BIRC6: variants seen among roughly 807,000 people sequenced by gnomAD.
The protein encoded by BIRC6 is baculoviral IAP repeat containing 6.
BIRC6 carries 98 observed loss-of-function variants against 503.3 expected under a neutral mutation model. The observed-to-expected ratio is 0.19, with a 90% confidence interval of 0.17 to 0.23. The LOEUF (loss-of-function observed/expected upper bound fraction) is 0.23, where lower values mean the gene tolerates loss of function less well. Ranked by LOEUF, BIRC6 falls within the 10% of genes least tolerant of loss-of-function variation. The probability of loss-of-function intolerance (pLI) is 1.00; values close to 1 mark genes in which losing one functional copy is unlikely to be tolerated. For synonymous variants in BIRC6, 2,240 were observed against 2,078.7 expected, an observed-to-expected ratio of 1.08 and a Z score of -2.11; for missense variants, 5,360 against 5,806.0, an observed-to-expected ratio of 0.92 and a Z score of 2.50.
rs2061529986 is a variant in BIRC6 at position 32,593,908 on chromosome 2, A to C, written c.13356-7A>C. The C allele has an allele frequency of 6.2e-7, 1 of 1,604,898 alleles. No individual in the cohort carries two copies. Among genetic ancestry groups the C allele is most frequent in the Non-Finnish European group, 8.5e-7 (1 of 1,176,922 alleles). ...CTTGCTTTTCTTTCCATATTAAAAA[A>C]ATTCAGATCTAAAAGGGAAAATGTT... is the stretch of plus-strand genomic sequence containing the variant. On this transcript the variant is annotated splice_polypyrimidine_tract_variant and splice_region_variant and intron_variant, in intron 66 of 73. Coordinates refer to ENST00000421745, the MANE Select transcript of BIRC6 (RefSeq NM_016252.4).
rs752276269 is a variant in BIRC6, at chr2:32,433,688, C to G, written c.3293C>G (p.Ala1098Gly). Residue 1098 changes from alanine (A) to glycine (G), a missense_variant, in exon 13 of 74, where the codon GCT becomes GGT. Around this residue, in one of 16 missense-constraint regions of BIRC6, gnomAD observed 2,299 missense variants for 2,267.2 expected, o/e 1.01. Transcript: ENST00000421745. Reference protein sequence around the residue: ...EHVFELVLPKACMVGHVDFKF... With the variant: ...EHVFELVLPKGCMVGHVDFKF... ...GTATTTGAATTAGTACTACCTAAAG[C>G]TTGTATGGTTGGACATGTGGACTTC... The G allele has an allele frequency of 6.2e-7, 1 of 1,604,230 alleles. No homozygotes were observed. Among genetic ancestry groups the G allele is most frequent in the Non-Finnish European group, 8.5e-7 (1 of 1,172,936 alleles).
chr2:32,530,385 A>AT (rs1180536215), intron 60 of BIRC6, among the ~76,000 whole-genome samples: 1 of 151,720 alleles, frequency 6.6e-6, no homozygotes, highest in East Asian at 1.9e-4. Flanking sequence ...TAATTTTTGT[A>AT]TTTTTTGTAG....
chr2:32,478,859 C>G, intron 36 of BIRC6, 41 bp downstream of exon 36: 1 of 1,574,408 alleles, frequency 6.4e-7, no homozygotes, highest in Non-Finnish European at 8.7e-7. Flanking sequence ...TCAAAATTAC[C>G]TTGTCATTGC....
In BIRC6 at chr2:32,543,272, A is replaced by G. The variant is rs1305474600; in HGVS notation, c.12323A>G (p.Gln4108Arg). 15 of 1,613,912 alleles carry G rather than the reference A, an allele frequency of 9.3e-6. No homozygotes were observed. The South Asian group carries it at 1.6e-4, about 18-fold the overall frequency. The change falls in exon 62 of 74, where the codon CAG becomes CGG. Residue 4108 changes from glutamine to arginine, a missense_variant. By Grantham distance (43) the Gln-to-Arg change is conservative (BLOSUM62 1). This residue lies in a region of BIRC6 where 878 missense variants were observed against 928.9 expected (regional missense o/e 0.95). Transcript: ENST00000421745. The stretch of plus-strand genomic sequence containing the variant: ...GCTCCAGTTGTAACATCTACCACTC[A>G]GGAAAAGCCGAAGGATAGCGATCAG... ...VSAPVVTSTT[Q>R]EKPKDSDQFE...
intron 3 of BIRC6, among the ~76,000 whole-genome samples, chr2:32,383,177 G>A (rs1200918851): frequency 6.6e-6 from 1 of 151,796 alleles, no homozygotes; most frequent in African/African-American, 2.4e-5. Context: ...CTCCCGAGTA[G>A]CTGCGATTAC....
chr2:32,454,622 T>C lies in BIRC6; in HGVS notation c.4753+680T>C, dbSNP rs540335369. 2.0e-4 allele frequency among the ~76,000 whole-genome samples: 30 copies of C among 152,356 alleles called. No individual in the cohort carries two copies. The East Asian group carries it at 4.8e-3, about 24-fold the overall frequency. On this transcript the variant is annotated intron_variant, in intron 23 of 73. Coordinates refer to ENST00000421745, the MANE Select transcript of BIRC6 (RefSeq NM_016252.4). ...TCACTGAAGGGTTTGACTGTTGTCT[T>C]AACGTGATTCTTCTGTTGATGGTTT...
chr2:32,525,681 A>T, intron 59 of BIRC6, 53 bp downstream of exon 59: 1 of 1,536,602 alleles, frequency 6.5e-7, no homozygotes, highest in Non-Finnish European at 8.8e-7. Context: ...CCTTAAAACT[A>T]TGTAAATCAG....
At chr2:32,597,637 C>A in intron 68 of BIRC6, 114 bp from the exon 69 acceptor site, 1 of 735,216 alleles carries the variant, frequency 1.4e-6, no homozygotes, top group Non-Finnish European at 2.3e-6. Flanking sequence ...GCTATTCTTC[C>A]ATGGTTGGAA....
intron 33 of BIRC6, 37 bp from the exon 34 acceptor site, chr2:32,476,172 TAACG>T (rs1228500667): frequency 2.0e-6 from 3 of 1,482,590 alleles, no homozygotes; most frequent in Admixed American, 2.5e-5. Context: ...TTTTTGTTTT[TAACG>T]TTGTTAAAGA....
chr2:32,478,491 C>T (rs1414390194), intron 35 of BIRC6, 144 bp from the exon 36 acceptor site: 5 of 565,020 alleles, frequency 8.8e-6, no homozygotes, highest in African/African-American at 7.8e-5. Context: ...TGCATTCCAT[C>T]TCAAGCAATT....
intron 65 of BIRC6, among the ~76,000 whole-genome samples, chr2:32,553,927 T>C (rs2058612407): frequency 6.6e-6 from 1 of 152,196 alleles, no homozygotes; most frequent in South Asian, 2.1e-4. Flanking sequence ...AATTTCTTTC[T>C]CAACATTTTC....
chr2:32,539,268 A>G (rs1326479340), intron 61 of BIRC6, among the ~76,000 whole-genome samples: 1 of 152,252 alleles, frequency 6.6e-6, no homozygotes, highest in Non-Finnish European at 1.5e-5. Flanking sequence ...GTAATAGATT[A>G]TAACATTTAT....
Position 32,468,739 on chromosome 2 carries a change from G to A in BIRC6, c.6083G>A (p.Arg2028Lys). The A allele has an allele frequency of 6.2e-7, 1 of 1,611,770 alleles. No individual in the cohort carries two copies. The highest frequency in any genetic ancestry group is 8.5e-7 in the Non-Finnish European group (1 of 1,178,246). ...SSTEQLRTII[R>K]YLLDTLLSLL... Reference sequence around the variant, plus strand: ...ACAGAGCAGTTACGTACTATCATCAGATATTTACTGGACACTTTGCTCAGC... The same window carrying A: ...ACAGAGCAGTTACGTACTATCATCAAATATTTACTGGACACTTTGCTCAGC... Residue 2028 changes from arginine (R) to lysine (K), a missense_variant, in exon 29 of 74, where the codon AGA (arginine) becomes AAA (lysine). This residue lies in a region of BIRC6 where 2,299 missense variants were observed against 2,267.2 expected (regional missense o/e 1.01). Transcript: ENST00000421745.
rs751387124 is a variant in BIRC6 at position 32,470,325 on chromosome 2, T to C, written c.6481+24T>C. ...AGGTATTAAGAGAAAGCAGTGTTCT[T>C]TAGTAAAAACAATATTCCTGCAAAT... On this transcript the variant is annotated intron_variant, in intron 31 of 73. Coordinates refer to ENST00000421745, the MANE Select transcript of BIRC6 (RefSeq NM_016252.4). 5 of 1,517,546 alleles carry C rather than the reference T, an allele frequency of 3.3e-6. No individual in the cohort carries two copies. The East Asian group carries it at 9.7e-5, about 29-fold the overall frequency. The allele number at this position is 1,517,546 out of a possible 1,614,324, so 94.0% of individuals were successfully genotyped here.
intron 10 of BIRC6, among the ~76,000 whole-genome samples, chr2:32,425,804 C>T (rs560754924): frequency 2.0e-5 from 3 of 152,152 alleles, no homozygotes; most frequent in Non-Finnish European, 2.9e-5. Flanking sequence ...TATTCTGGTC[C>T]CTTAGGGAAC....
chr2:32,575,806 A>G (rs1162047079), intron 66 of BIRC6, among the ~76,000 whole-genome samples: 1 of 152,164 alleles, frequency 6.6e-6, no homozygotes, highest in African/African-American at 2.4e-5. Flanking sequence ...CTCACACACA[A>G]GCAATAAATA....
intron 65 of BIRC6, among the ~76,000 whole-genome samples, chr2:32,552,303 A>G (rs2058481093): frequency 6.6e-6 from 1 of 152,214 alleles, no homozygotes; most frequent in African/African-American, 2.4e-5. Flanking sequence ...CCTCATTTTA[A>G]TAAAACCTTC....
At chr2:32,370,016 A>G (rs1308345201) in intron 1 of BIRC6, among the ~76,000 whole-genome samples, 1 of 138,692 alleles carries the variant, frequency 7.2e-6, no homozygotes, top group South Asian at 2.3e-4. Context: ...ATATATATGC[A>G]TATATGTATG....
Position 32,468,801 on chromosome 2 carries a change from A to G in BIRC6, c.6127+18A>G, listed in dbSNP as rs372736748. On this transcript the variant is annotated intron_variant, in intron 29 of 73. Coordinates refer to ENST00000421745, the MANE Select transcript of BIRC6 (RefSeq NM_016252.4). Reference sequence around the variant, plus strand: ...TTCTAATGGTTTGTATTTGGCTTACATATTTTAAAGGCTGGGAATATACTT... The same window carrying G: ...TTCTAATGGTTTGTATTTGGCTTACGTATTTTAAAGGCTGGGAATATACTT... 3.9e-6 allele frequency: 6 copies of G among 1,533,680 alleles called. No homozygotes were observed. The African/African-American group carries it at 6.9e-5, about 18-fold the overall frequency.
Sources: allele counts gnomAD v4.1 joint callset (sites outside exome capture counted in the v4.1 genomes callset), GRCh38; gene constraint gnomAD v4.1.1; regional missense constraint gnomAD v4.1.1; transcripts MANE v1.5; gene names NCBI Gene and HGNC (gene_info 2026-07-23, HGNC 2026-07-21).